Variants in GNG7 observed in about 807,000 individuals in gnomAD.
The protein encoded by GNG7 is G protein subunit gamma 7, also known as guanine nucleotide-binding protein G(I)/G(S)/G(O) subunit gamma-7.
A neutral mutation model predicts 4.0 loss-of-function variants in GNG7; 1 was observed. The observed-to-expected ratio is 0.25, with a 90% confidence interval of 0.09 to 1.18. GNG7 has a LOEUF of 1.18. Among genes scored for constraint, GNG7 ranks in the 50% most tolerant of loss-of-function variants. The probability of loss-of-function intolerance (pLI) is 0.50; values close to 1 mark genes in which losing one functional copy is unlikely to be tolerated. For missense variants in GNG7, 86 were observed against 91.9 expected (o/e 0.94, Z 0.26); for synonymous variants, 34 against 36.9 (o/e 0.92, Z 0.29).
At chr19:2,523,222 G>A (rs1978319178) in intron 3 of GNG7, among the ~76,000 whole-genome samples, 1 of 151,906 alleles carries the variant, frequency 6.6e-6, no homozygotes, top group African/African-American at 2.4e-5. Context: ...GGATCAGGGA[G>A]GGGCAGGGGC....
At chr19:2,586,949 C>T (rs1489722346) in intron 2 of GNG7, among the ~76,000 whole-genome samples, 3 of 142,386 alleles carry the variant, frequency 2.1e-5, no homozygotes, top group Non-Finnish European at 3.0e-5. Context: ...TGTGCCACCG[C>T]ACTCCAGCCT....
intron 2 of GNG7, among the ~76,000 whole-genome samples, chr19:2,637,121 G>A (rs913779674): frequency 6.6e-6 from 1 of 151,724 alleles, no homozygotes; most frequent in African/African-American, 2.4e-5. Context: ...CCGGGGCCAG[G>A]AAACTCCGTG....
rs202213467 is a variant in GNG7 at position 2,554,172 on chromosome 19, A to AATAT, written c.-38+973_-38+976dup. 3.4e-5 allele frequency among the ~76,000 whole-genome samples: 5 copies of AATAT among 146,184 alleles called. No individual in the cohort carries two copies. In the South Asian group the frequency reaches 1.1e-3, roughly 31 times the overall value. ...CTATAATATATTATATATAATATAT[A>AATAT]ATATATATATTTTTTTCTTTTCTTT... On this transcript the variant is annotated intron_variant, in intron 3 of 4. Coordinates refer to ENST00000382159, the MANE Select transcript of GNG7 (RefSeq NM_052847.3).
At chr19:2,643,635 G>A (rs1483733836) in intron 2 of GNG7, 3 of 455,464 alleles carry the variant, frequency 6.6e-6, no homozygotes, top group Non-Finnish European at 1.3e-5. Flanking sequence ...AGACCTCTCC[G>A]GGCTCTGCAC....
intron 3 of GNG7, among the ~76,000 whole-genome samples, chr19:2,532,528 G>A (rs765254515): frequency 1.9e-4 from 29 of 152,130 alleles, no homozygotes; most frequent in Non-Finnish European, 3.8e-4. Context: ...ACACCAGAAG[G>A]AGGAGAGAGA....
chr19:2,590,365 G>A (rs1980801007), intron 2 of GNG7, among the ~76,000 whole-genome samples: 1 of 152,170 alleles, frequency 6.6e-6, no homozygotes. Flanking sequence ...CTGAGGCTTA[G>A]AAATGGTAGA....
At chr19:2,607,318 G>A (rs1388753387) in intron 2 of GNG7, among the ~76,000 whole-genome samples, 1 of 151,504 alleles carries the variant, frequency 6.6e-6, no homozygotes, top group East Asian at 1.9e-4. Context: ...GGGAGTTCAA[G>A]ACCAGCCTGG....
chr19:2,701,594 A>C (rs1913401839), intron 1 of GNG7, among the ~76,000 whole-genome samples: 1 of 141,732 alleles, frequency 7.1e-6, no homozygotes, highest in African/African-American at 2.7e-5. Flanking sequence ...GCCGTCAATC[A>C]CACCCCCCCA....
intron 2 of GNG7, among the ~76,000 whole-genome samples, chr19:2,560,315 G>A (rs1979702954): frequency 1.3e-5 from 2 of 152,068 alleles, no homozygotes; most frequent in Admixed American, 1.3e-4. Context: ...GGAAGGGACC[G>A]CCTCAGACCC....
At chr19:2,558,182 T>G (rs1004792752) in intron 2 of GNG7, among the ~76,000 whole-genome samples, 1 of 152,026 alleles carries the variant, frequency 6.6e-6, no homozygotes, top group South Asian at 2.1e-4. Flanking sequence ...CTGCTTTTCA[T>G]GTGCACACTG....
In GNG7 at chr19:2,633,964, G is replaced by A. The variant is rs1275934255; in HGVS notation, c.-78+12260C>T. On this transcript the variant is annotated intron_variant, in intron 2 of 4. Coordinates refer to ENST00000382159, the MANE Select transcript of GNG7 (RefSeq NM_052847.3). The surrounding 1 kb of genome is among the most constrained non-coding windows in gnomAD (Gnocchi z 5.9). ...CCTGGGTGCAAAATTGCCCCGAGTT[G>A]AGACCCCCTGGGATAGGGGATTCCA... Among the ~76,000 whole-genome samples the A allele has an allele frequency of 6.6e-6, 1 of 152,110 alleles. No individual in the cohort carries two copies. The highest frequency in any genetic ancestry group is 2.4e-5 in the African/African-American group (1 of 41,418).
chr19:2,691,126 G>A (rs1913125470), intron 1 of GNG7, among the ~76,000 whole-genome samples: 1 of 152,074 alleles, frequency 6.6e-6, no homozygotes, highest in South Asian at 2.1e-4. Flanking sequence ...AGGTGTATGG[G>A]AACTTTCTGT....
At chr19:2,696,441 GAGAA>G (rs1162821235) in intron 1 of GNG7, among the ~76,000 whole-genome samples, 3 of 151,914 alleles carry the variant, frequency 2.0e-5, no homozygotes, top group Non-Finnish European at 2.9e-5. Flanking sequence ...AAGAAAGAAA[GAGAA>G]AGAAAGAACC....
chr19:2,538,311 C>T (rs747197966), intron 3 of GNG7: 30 of 456,016 alleles, frequency 6.6e-5, no homozygotes, highest in African/African-American at 2.0e-4. Context: ...GATCCCTCCA[C>T]GATGCTATCC....
At chr19:2,688,479 G>T (rs888612437) in intron 1 of GNG7, among the ~76,000 whole-genome samples, 1 of 152,172 alleles carries the variant, frequency 6.6e-6, no homozygotes, top group Non-Finnish European at 1.5e-5. Context: ...GAGAGCAACA[G>T]GGCACCTCAC....
chr19:2,558,414 T>C (rs994615431), intron 2 of GNG7, among the ~76,000 whole-genome samples: 1 of 151,666 alleles, frequency 6.6e-6, no homozygotes, highest in African/African-American at 2.4e-5. Flanking sequence ...TTTTTATTCC[T>C]GTAGAGATGG....
At chr19:2,584,373 G>A (rs2144793831) in intron 2 of GNG7, among the ~76,000 whole-genome samples, 1 of 151,052 alleles carries the variant, frequency 6.6e-6, no homozygotes, top group South Asian at 2.1e-4. Flanking sequence ...GAGCCCAGAA[G>A]TTTGAGGCTG....
At chr19:2,649,078 A>G (rs1431951710) in intron 1 of GNG7, among the ~76,000 whole-genome samples, 1 of 151,402 alleles carries the variant, frequency 6.6e-6, no homozygotes, top group Non-Finnish European at 1.5e-5. Context: ...GGGGGAAGGA[A>G]TGTGCTTAAT....
intron 1 of GNG7, among the ~76,000 whole-genome samples, chr19:2,681,405 G>T (rs375548830): frequency 6.6e-6 from 1 of 152,034 alleles, no homozygotes; most frequent in African/African-American, 2.4e-5. Context: ...GGATGGCTTC[G>T]ATCTCCTGAC....
Sources: gnomAD v4.1 joint callset for allele counts (sites outside exome capture counted in the v4.1 genomes callset) on GRCh38, gnomAD v4.1.1 for gene constraint, Gnocchi (gnomAD v3.1) non-coding constraint, MANE v1.5 for transcripts, NCBI Gene and HGNC (gene_info 2026-07-23, HGNC 2026-07-21) for gene names.